SRSF3: variants seen among roughly 807,000 people sequenced by gnomAD.
SRSF3 encodes serine/arginine-rich splicing factor 3.
For synonymous variants in SRSF3, 87 were observed against 73.6 expected (o/e 1.18, Z -0.93); for missense variants, 58 against 217.1 (o/e 0.27, Z 4.61).
intron 1 of SRSF3, among the ~76,000 whole-genome samples, chr6:36,596,456 G>C (rs1233067): frequency 8.8e-4 from 134 of 151,532 alleles, no homozygotes; most frequent in Non-Finnish European, 1.7e-3. Flanking sequence ...CTTAACTCAC[G>C]GCCCAGATGG....
chr6:36,600,889 TCTG>T (rs1448655704), intron 3 of SRSF3: 4 of 362,834 alleles, frequency 1.1e-5, no homozygotes, highest in African/African-American at 2.1e-5. Flanking sequence ...ATTGGACAGA[TCTG>T]CTGTGAAGCA....
chr6:36,603,302 G>A lies in SRSF3; in HGVS notation c.*1313G>A, dbSNP rs1327838633. ...TAAGCTGATCCATCATGATGTAAAA[G>A]TTCACAATATGGTTCAAATGTAACA... On this transcript the variant is annotated 3_prime_UTR_variant, in exon 6 of 6. Coordinates refer to ENST00000373715, the MANE Select transcript of SRSF3 (RefSeq NM_003017.5). The A allele has an allele frequency of 8.9e-6, 2 of 224,798 alleles. No homozygotes were observed. Among genetic ancestry groups the A allele is most frequent in the Non-Finnish European group, 1.8e-5 (2 of 112,534 alleles). 13.9% of individuals were successfully genotyped at this position (224,798 alleles called of 1,614,324 possible).
chr6:36,604,610 AG>A lies in SRSF3; in HGVS notation c.*2622del, dbSNP rs1387150765. The A allele has an allele frequency of 1.2e-5, 2 of 169,102 alleles. No homozygotes were observed. Among genetic ancestry groups the A allele is most frequent in the African/African-American group, 4.8e-5 (2 of 41,954 alleles). The allele number at this position is 169,102 out of a possible 1,614,324, so 10.5% of individuals were successfully genotyped here. On this transcript the variant is annotated 3_prime_UTR_variant, in exon 6 of 6. Transcript: ENST00000373715. ...AGATCCTTACAAACGTGATCCCGTC[AG>A]CGTCCATGACACTCCCACCCTGTTA... is the stretch of plus-strand genomic sequence containing the variant.
At chr6:36,601,001 CTTTTTTTT>C (rs775227806) in intron 3 of SRSF3, 143 bp from the exon 4 acceptor site, 153 of 86,464 alleles carry the variant, frequency 1.8e-3, no homozygotes, top group East Asian at 3.0e-3. Flanking sequence ...TCTTTTTTTT[CTTTTTTTT>C]TTTTTTTTTT....
At position 36,604,415 on chromosome 6, in the gene SRSF3, T is replaced by C. The variant is rs532900367; in HGVS notation, c.*2426T>C. ...CTTGAAGCCAGGAGTTGGAGACCAG[T>C]CTGCCCAACATGGCAAGATTCACAT... On this transcript the variant is annotated 3_prime_UTR_variant, in exon 6 of 6. Coordinates refer to ENST00000373715, the MANE Select transcript of SRSF3 (RefSeq NM_003017.5). 116 of 199,124 alleles carry C rather than the reference T, an allele frequency of 5.8e-4. No homozygotes were observed. Among genetic ancestry groups the C allele is most frequent in the African/African-American group, 2.5e-3 (108 of 43,558 alleles). The allele number at this position is 199,124 out of a possible 1,614,324, so 12.3% of individuals were successfully genotyped here. A position where few individuals can be genotyped will look rare whatever the true frequency, so the allele number is the denominator to read the frequency against.
intron 3 of SRSF3, 122 bp from the exon 4 acceptor site, chr6:36,601,030 C>G (rs1169129702): frequency 1.4e-4 from 16 of 117,734 alleles, no homozygotes; most frequent in Non-Finnish European, 1.5e-4. Flanking sequence ...TTTTTTTGGA[C>G]GATGGGTGCC....
In SRSF3 at chr6:36,602,069, T is replaced by A; in HGVS notation, c.*80T>A. ...ATGTACAGAAAATTCAAGTTTTGTT[T>A]GAGACTTCATAAGCTTGGTGCATTT... On this transcript the variant is annotated 3_prime_UTR_variant, in exon 6 of 6. Coordinates refer to ENST00000373715, the MANE Select transcript of SRSF3 (RefSeq NM_003017.5). The A allele has an allele frequency of 6.4e-7, 1 of 1,556,810 alleles. No homozygotes were observed. Among genetic ancestry groups the A allele is most frequent in the South Asian group, 1.2e-5 (1 of 81,586 alleles).
intron 3 of SRSF3, 142 bp from the exon 4 acceptor site, chr6:36,600,992 CTTTTTTTTCTTTTTTTTT>C (rs1778702541): frequency 2.9e-6 from 1 of 340,132 alleles, no homozygotes; most frequent in Non-Finnish European, 4.5e-6. Context: ...TTTTTCTTTT[CTTTTTTTTCTTTTTTTTT>C]TTTTTTTTTT....
At position 36,601,201 on chromosome 6, in the gene SRSF3, A is replaced by G. The variant is rs778664310; in HGVS notation, c.380+11A>G. On this transcript the variant is annotated intron_variant, in intron 4 of 5. Coordinates refer to ENST00000373715, the MANE Select transcript of SRSF3 (RefSeq NM_003017.5). ...TCGCAGCCGGAGCAGGTAAATGACT[A>G]CCTTTTTTGGCTACGTTCTTAGAAA... is the stretch of plus-strand genomic sequence containing the variant. 9.3e-6 allele frequency: 15 copies of G among 1,611,028 alleles called. No individual in the cohort carries two copies. In the East Asian group the frequency reaches 3.3e-4, roughly 36 times the overall value.
intron 1 of SRSF3, among the ~76,000 whole-genome samples, chr6:36,595,667 A>T (rs1778614917): frequency 6.6e-6 from 1 of 152,236 alleles, no homozygotes; most frequent in Non-Finnish European, 1.5e-5. Context: ...TTGTCAGTAC[A>T]TCATTCTGAA....
chr6:36,598,933 T>G lies in SRSF3; in HGVS notation c.291T>G (p.Gly97=), dbSNP rs199874409. ...ATCGTGGCCCACCTCCCTCTTGGGG[T>G]CGTCGCCCTCGAGATGATTATCGTA... The part of the protein sequence containing the change: ...SRNRGPPPSW[G]RRPRDDYRRR... The change falls in exon 3 of 6, where the codon GGT becomes GGG. Residue 97 remains glycine (G), a synonymous_variant. Coordinates refer to ENST00000373715, the MANE Select transcript of SRSF3 (RefSeq NM_003017.5). 5.3e-5 allele frequency: 85 copies of G among 1,614,064 alleles called. No individual in the cohort carries two copies. The highest frequency in any genetic ancestry group is 6.8e-5 in the Non-Finnish European group (80 of 1,179,988).
Position 36,602,050 on chromosome 6 carries a change from A to G in SRSF3, c.*61A>G, listed in dbSNP as rs1399460096. On this transcript the variant is annotated 3_prime_UTR_variant, in exon 6 of 6. Coordinates refer to ENST00000373715, the MANE Select transcript of SRSF3 (RefSeq NM_003017.5). The stretch of plus-strand genomic sequence containing the variant: ...TACTTCATTTGACAGGAGTATGTAC[A>G]GAAAATTCAAGTTTTGTTTGAGACT... The G allele has an allele frequency of 1.3e-6, 2 of 1,562,290 alleles. No individual in the cohort carries two copies.
rs1199883181 is a variant in SRSF3 at position 36,601,202 on chromosome 6, C to T, written c.380+12C>T. On this transcript the variant is annotated intron_variant, in intron 4 of 5. Coordinates refer to ENST00000373715, the MANE Select transcript of SRSF3 (RefSeq NM_003017.5). ...CGCAGCCGGAGCAGGTAAATGACTACCTTTTTTGGCTACGTTCTTAGAAAT... is the reference window on the plus strand; with the variant it reads ...CGCAGCCGGAGCAGGTAAATGACTATCTTTTTTGGCTACGTTCTTAGAAAT... The T allele has an allele frequency of 3.1e-6, 5 of 1,613,110 alleles. No individual in the cohort carries two copies. The highest frequency in any genetic ancestry group is 3.3e-5 in the Admixed American group (2 of 59,900).
In SRSF3 at chr6:36,603,531, C is replaced by G. The variant is rs1463096040; in HGVS notation, c.*1542C>G. 4 of 226,616 alleles carry G rather than the reference C, an allele frequency of 1.8e-5. No homozygotes were observed. In the East Asian group the frequency reaches 2.6e-4, roughly 15 times the overall value. The allele number at this position is 226,616 out of a possible 1,614,324, so 14.0% of individuals were successfully genotyped here. On this transcript the variant is annotated 3_prime_UTR_variant, in exon 6 of 6. Coordinates refer to ENST00000373715, the MANE Select transcript of SRSF3 (RefSeq NM_003017.5). ...AAGATAAGTCATTGCATTAAGAGTTCAAGCTAAATGGATACATTAAGATAC... is the reference window on the plus strand; with the variant it reads ...AAGATAAGTCATTGCATTAAGAGTTGAAGCTAAATGGATACATTAAGATAC...
At position 36,603,715 on chromosome 6, in the gene SRSF3, G is replaced by A. The variant is rs1304919143; in HGVS notation, c.*1726G>A. The A allele has an allele frequency of 4.3e-6, 1 of 230,696 alleles. No individual in the cohort carries two copies. The highest frequency in any genetic ancestry group is 8.6e-6 in the Non-Finnish European group (1 of 116,618). The allele number at this position is 230,696 out of a possible 1,614,324, so 14.3% of individuals were successfully genotyped here. ...TCTGGCATTGGGCATTTTGTCTTTA[G>A]TATTCTCACATAGCCTACAACCTGT... On this transcript the variant is annotated 3_prime_UTR_variant, in exon 6 of 6. Coordinates refer to ENST00000373715, the MANE Select transcript of SRSF3 (RefSeq NM_003017.5).
At position 36,603,625 on chromosome 6, in the gene SRSF3, C is replaced by T. The variant is rs917503528; in HGVS notation, c.*1636C>T. ...TGGGAGAATTGGTGTCAGGAAGGTTCAGCCTTAAAGTTAAGCATGTTCAAG... is the reference window on the plus strand; with the variant it reads ...TGGGAGAATTGGTGTCAGGAAGGTTTAGCCTTAAAGTTAAGCATGTTCAAG... On this transcript the variant is annotated 3_prime_UTR_variant, in exon 6 of 6. Transcript: ENST00000373715. 9 of 229,544 alleles carry T rather than the reference C, an allele frequency of 3.9e-5. No homozygotes were observed. The highest frequency in any genetic ancestry group is 7.8e-5 in the Non-Finnish European group (9 of 115,828). The allele number at this position is 229,544 out of a possible 1,614,324, so 14.2% of individuals were successfully genotyped here.
chr6:36,596,502 A>G (rs907777444), intron 1 of SRSF3, among the ~76,000 whole-genome samples: 5 of 142,520 alleles, frequency 3.5e-5, no homozygotes, highest in African/African-American at 1.3e-4. Context: ...CAACGTTCCA[A>G]GGAAGCTGTT....
chr6:36,596,517 T>C (rs940742424), intron 1 of SRSF3, among the ~76,000 whole-genome samples: 10 of 148,038 alleles, frequency 6.8e-5, no homozygotes, highest in African/African-American at 2.0e-4. Flanking sequence ...GCTGTTTTTT[T>C]CTTCACTAAT....
At chr6:36,594,976 A>G (rs1361279411) in intron 1 of SRSF3, among the ~76,000 whole-genome samples, 1 of 152,186 alleles carries the variant, frequency 6.6e-6, no homozygotes, top group Non-Finnish European at 1.5e-5. Flanking sequence ...TGAACTTAAG[A>G]TTCGTTCTTT....
Sources: allele counts gnomAD v4.1 joint callset (sites outside exome capture counted in the v4.1 genomes callset), GRCh38; gene constraint gnomAD v4.1.1; transcripts MANE v1.5; gene names NCBI Gene and HGNC (gene_info 2026-07-23, HGNC 2026-07-21).